The following TRPC7 variants were observed in gnomAD, a reference collection of about 807,000 sequenced individuals.
TRPC7 encodes the protein transient receptor potential cation channel subfamily C member 7.
Under a neutral mutation model 90.1 loss-of-function variants are expected in TRPC7, and 42 were observed. That is an observed-to-expected ratio of 0.47 (90% CI 0.36 to 0.60). TRPC7 has a LOEUF of 0.60. Ranked by LOEUF, TRPC7 falls within the 20% of genes least tolerant of loss-of-function variation. The pLI is 0.00. For missense variants in TRPC7, 955 were observed against 1,112.3 expected (o/e 0.86, Z 2.01); for synonymous variants, 451 against 436.3 (o/e 1.03, Z -0.42).
At position 136,343,160 on chromosome 5, in the gene TRPC7, G is replaced by C. The variant is rs1185080251; in HGVS notation, c.780+13448C>G. Among the ~76,000 whole-genome samples, 5 of 152,276 alleles carry C rather than the reference G, an allele frequency of 3.3e-5. No homozygotes were observed. The South Asian group carries it at 1.0e-3, about 32-fold the overall frequency. ...AATGAAAGTAATAGAAGAAAAAAAA[G>C]ATGTAATATAGAATAATTCTTCATA... On this transcript the variant is annotated intron_variant, in intron 2 of 11. Transcript: ENST00000513104.
chr5:136,269,440 C>T (rs1234567918), intron 4 of TRPC7, among the ~76,000 whole-genome samples: 1 of 152,234 alleles, frequency 6.6e-6, no homozygotes, highest in African/African-American at 2.4e-5. Flanking sequence ...CTCTTAGCCC[C>T]CACAAGTGTA....
intron 3 of TRPC7, among the ~76,000 whole-genome samples, chr5:136,304,366 T>A (rs1212245920): frequency 6.8e-6 from 1 of 146,276 alleles, no homozygotes; most frequent in Non-Finnish European, 1.5e-5. Context: ...CAGCATGACC[T>A]TCTAAAGCCT....
intron 8 of TRPC7, 36 bp downstream of exon 8, chr5:136,231,318 G>C (rs1331763527): frequency 6.5e-7 from 1 of 1,534,904 alleles, no homozygotes; most frequent in African/African-American, 1.4e-5. Context: ...TAAATTAGAT[G>C]AAGGAGAGCA....
At chr5:136,240,436 G>A (rs1257645263) in intron 7 of TRPC7, among the ~76,000 whole-genome samples, 6 of 152,204 alleles carry the variant, frequency 3.9e-5, no homozygotes, top group Admixed American at 3.9e-4. Flanking sequence ...TTGGCATAGA[G>A]TAGTTGCTCC....
chr5:136,289,611 T>C (rs1292124533), intron 3 of TRPC7, among the ~76,000 whole-genome samples: 1 of 152,192 alleles, frequency 6.6e-6, no homozygotes, highest in Non-Finnish European at 1.5e-5. Context: ...CGCCTGCCAT[T>C]GCCCAGGCTT....
intron 3 of TRPC7, among the ~76,000 whole-genome samples, chr5:136,301,062 T>A (rs1306863813): frequency 6.6e-6 from 1 of 152,152 alleles, no homozygotes; most frequent in Non-Finnish European, 1.5e-5. Context: ...GGAGTTTCAC[T>A]CTTGTTGCCC....
At chr5:136,362,223 C>T (rs372811546) in intron 1 of TRPC7, among the ~76,000 whole-genome samples, 18 of 152,212 alleles carry the variant, frequency 1.2e-4, no homozygotes, top group African/African-American at 4.3e-4. Context: ...TAGCTATTTT[C>T]CTGAATGACT....
chr5:136,311,389 C>A (rs1181979239), intron 3 of TRPC7, among the ~76,000 whole-genome samples: 2 of 152,208 alleles, frequency 1.3e-5, no homozygotes, highest in Non-Finnish European at 2.9e-5. Context: ...TCTCTGTTCC[C>A]TGTCACTAAG....
At chr5:136,361,990 T>C (rs937708031) in intron 1 of TRPC7, among the ~76,000 whole-genome samples, 6 of 152,138 alleles carry the variant, frequency 3.9e-5, no homozygotes, top group Admixed American at 3.3e-4. Context: ...TATACAAATG[T>C]TCATGACAAT....
chr5:136,274,603 TG>T, intron 4 of TRPC7, 69 bp downstream of exon 4: 1 of 1,376,292 alleles, frequency 7.3e-7, no homozygotes, highest in Non-Finnish European at 9.5e-7. Context: ...TTGAACAAAA[TG>T]GATTTCAGAT....
In TRPC7 at chr5:136,305,150, C is replaced by T. The variant is rs150724046; in HGVS notation, c.963+10447G>A. Among the ~76,000 whole-genome samples, 848 of 152,300 alleles carry T rather than the reference C, an allele frequency of 5.6e-3. 5 individuals are homozygous for T. The highest frequency in any genetic ancestry group is 9.2e-3 in the Admixed American group (141 of 15,294). ...CCCACAATTACCATTGTTCTTGGCCCGGACTTCAATCTGGCTTCCCATATT... is the reference window on the plus strand; with the variant it reads ...CCCACAATTACCATTGTTCTTGGCCTGGACTTCAATCTGGCTTCCCATATT... On this transcript the variant is annotated intron_variant, in intron 3 of 11. Coordinates refer to ENST00000513104, the MANE Select transcript of TRPC7 (RefSeq NM_020389.3).
chr5:136,214,368 ACTTGG>A (rs980792936), intron 11 of TRPC7: 1 of 152,204 alleles, frequency 6.6e-6, no homozygotes, highest in Non-Finnish European at 1.5e-5. Context: ...TAGATACTGC[ACTTGG>A]CTCGTGTGGG....
chr5:136,320,682 G>C (rs1759168028), intron 2 of TRPC7, among the ~76,000 whole-genome samples: 2 of 152,066 alleles, frequency 1.3e-5, no homozygotes, highest in Non-Finnish European at 2.9e-5. Flanking sequence ...GTCTCCCCCG[G>C]ATTCAGTCTA....
intron 7 of TRPC7, among the ~76,000 whole-genome samples, chr5:136,239,572 A>G (rs921968736): frequency 6.6e-6 from 1 of 152,262 alleles, no homozygotes; most frequent in South Asian, 2.1e-4. Context: ...CTCTCAATAT[A>G]TCATTGATTC....
intron 2 of TRPC7, among the ~76,000 whole-genome samples, chr5:136,343,654 A>G (rs1218465385): frequency 1.3e-5 from 2 of 152,172 alleles, no homozygotes; most frequent in Admixed American, 6.5e-5. Flanking sequence ...TTCTGAAAGC[A>G]TCCATGTCAT....
chr5:136,251,641 C>G lies in TRPC7; in HGVS notation c.1579+8G>C, dbSNP rs760381396. ...AAAATGGAGTAGGGGAAGCACTCTC[C>G]GACTCACCGTAGGTGAAGTATGCCA... On this transcript the variant is annotated splice_region_variant and intron_variant, in intron 6 of 11. Transcript: ENST00000513104. The G allele has an allele frequency of 1.3e-6, 2 of 1,589,026 alleles. No individual in the cohort carries two copies. Among genetic ancestry groups the G allele is most frequent in the Admixed American group, 3.5e-5 (2 of 57,528 alleles).
Position 136,356,876 on chromosome 5 carries a change from G to C in TRPC7, c.512C>G (p.Ala171Gly), listed in dbSNP as rs775748277. The C allele has an allele frequency of 1.2e-6, 2 of 1,613,876 alleles. No individual in the cohort carries two copies. Among genetic ancestry groups the C allele is most frequent in the Non-Finnish European group, 1.7e-6 (2 of 1,179,956 alleles). The change falls in exon 2 of 12, where the codon GCG (alanine) becomes GGG (glycine). Residue 171 changes from alanine to glycine, a missense_variant. This residue lies in a region of TRPC7 where 484 missense variants were observed against 509.6 expected (regional missense o/e 0.95). Transcript: ENST00000513104. Reference sequence around the variant, plus strand: ...GATCTCATACTCCTGGCAGTGCGCCGCCAGGATGATGGGCGTGATGTCGTG... The same window carrying C: ...GATCTCATACTCCTGGCAGTGCGCCCCCAGGATGATGGGCGTGATGTCGTG... Reference protein sequence around the residue: ...FSHDITPIILAAHCQEYEIVH... With the variant: ...FSHDITPIILGAHCQEYEIVH...
chr5:136,286,444 G>C (rs1476303055), intron 3 of TRPC7, among the ~76,000 whole-genome samples: 1 of 152,176 alleles, frequency 6.6e-6, no homozygotes, highest in Non-Finnish European at 1.5e-5. Flanking sequence ...CCATACTATA[G>C]TCCAGCTTCC....
chr5:136,284,258 C>G (rs2149820322), intron 3 of TRPC7, among the ~76,000 whole-genome samples: 1 of 152,262 alleles, frequency 6.6e-6, no homozygotes, highest in African/African-American at 2.4e-5. Context: ...TTTTTTGCTC[C>G]CTTTGTCATC....
Sources: gnomAD v4.1 joint callset for allele counts (sites outside exome capture counted in the v4.1 genomes callset) on GRCh38, gnomAD v4.1.1 for gene constraint, gnomAD v4.1.1 regional missense constraint, MANE v1.5 for transcripts, NCBI Gene and HGNC (gene_info 2026-07-23, HGNC 2026-07-21) for gene names.